The following MGAT4C variants were observed in gnomAD, a reference collection of about 807,000 sequenced individuals.
MGAT4C encodes the protein MGAT4 family member C.
Under a neutral mutation model 40.1 loss-of-function variants are expected in MGAT4C, and 19 were observed. That is an observed-to-expected ratio of 0.47 (90% CI 0.33 to 0.70). The LOEUF (loss-of-function observed/expected upper bound fraction) is 0.70, where lower values mean the gene tolerates loss of function less well. Among genes scored for constraint, MGAT4C ranks in the 30% least tolerant of loss-of-function variants. MGAT4C has a pLI of 0.02. For synonymous variants in MGAT4C, 181 were observed against 187.1 expected (o/e 0.97, Z 0.27); for missense variants, 491 against 563.2 (o/e 0.87, Z 1.30).
rs1952943275 is a variant in MGAT4C, at chr12:86,832,225, C to T, written c.-262+6441G>A. 1.3e-5 allele frequency among the ~76,000 whole-genome samples: 2 copies of T among 151,856 alleles called. 1 individual carries two copies. The highest frequency in any genetic ancestry group is 4.1e-4 in the South Asian group (2 of 4,824). ...CCCTCAAGCATGTCCCGCCACAAAA[C>T]CATTCAAGTCTACTCCCTGTGTATT... On this transcript the variant is annotated intron_variant, in intron 1 of 7. Coordinates refer to the MGAT4C transcript ENST00000548651.
At chr12:86,237,967 T>C (rs1464752271) in intron 1 of MGAT4C, among the ~76,000 whole-genome samples, 2 of 152,002 alleles carry the variant, frequency 1.3e-5, no homozygotes, top group African/African-American at 2.4e-5. Context: ...TCATTTGAAA[T>C]ACATGGCATT....
chr12:86,799,478 T>C (rs1390535929), intron 1 of MGAT4C, among the ~76,000 whole-genome samples: 1 of 151,866 alleles, frequency 6.6e-6, no homozygotes, highest in South Asian at 2.1e-4. Flanking sequence ...ATACTTTCTA[T>C]CTCACAGCTG....
chr12:86,226,183 G>A (rs1241948768), intron 1 of MGAT4C, among the ~76,000 whole-genome samples: 1 of 151,894 alleles, frequency 6.6e-6, no homozygotes, highest in African/African-American at 2.4e-5. Flanking sequence ...AATATAATAA[G>A]TGATAGGACA....
chr12:86,310,131 G>A (rs1036205557), intron 4 of MGAT4C, among the ~76,000 whole-genome samples: 11 of 151,552 alleles, frequency 7.3e-5, no homozygotes, highest in Admixed American at 2.0e-4. Flanking sequence ...GAGTCAAAGT[G>A]TTAAGCTAGG....
chr12:86,725,236 A>AT (rs1471118376), intron 2 of MGAT4C, among the ~76,000 whole-genome samples: 4 of 152,054 alleles, frequency 2.6e-5, no homozygotes, highest in East Asian at 1.9e-4. Flanking sequence ...CCTTTTCCCT[A>AT]TTTTTTAATG....
At chr12:86,353,922 G>A (rs773854152) in intron 3 of MGAT4C, among the ~76,000 whole-genome samples, 4 of 151,976 alleles carry the variant, frequency 2.6e-5, no homozygotes, top group South Asian at 2.1e-4. Context: ...CAAGGCCTCC[G>A]GTATTTAGAG....
At chr12:86,012,848 G>A (rs1279290084) in intron 2 of MGAT4C, among the ~76,000 whole-genome samples, 1 of 151,068 alleles carries the variant, frequency 6.6e-6, no homozygotes, top group Non-Finnish European at 1.5e-5. Flanking sequence ...GGTGGGCCTG[G>A]TGCAGTGGCT....
chr12:86,223,397 A>C (rs1950956004), intron 1 of MGAT4C, among the ~76,000 whole-genome samples: 1 of 152,146 alleles, frequency 6.6e-6, no homozygotes, highest in Non-Finnish European at 1.5e-5. Context: ...AGGACAAAAA[A>C]GGGTAGGGGA....
chr12:86,522,051 G>A (rs1281170526), intron 2 of MGAT4C, among the ~76,000 whole-genome samples: 1 of 152,058 alleles, frequency 6.6e-6, no homozygotes, highest in East Asian at 1.9e-4. Context: ...TCTGCAAACC[G>A]GGATAGTTTC....
chr12:86,325,905 T>C (rs1044766828), intron 4 of MGAT4C, among the ~76,000 whole-genome samples: 1 of 151,880 alleles, frequency 6.6e-6, no homozygotes, highest in East Asian at 1.9e-4. Context: ...TAATAATGCT[T>C]GACACAGGGT....
chr12:86,325,386 A>G (rs530473484), intron 4 of MGAT4C, among the ~76,000 whole-genome samples: 1 of 152,070 alleles, frequency 6.6e-6, no homozygotes, highest in Admixed American at 6.6e-5. Context: ...ATGTAGAGTG[A>G]AAAACAAAAC....
chr12:86,602,677 C>CTGAT (rs1348738678), intron 2 of MGAT4C, among the ~76,000 whole-genome samples: 1 of 152,152 alleles, frequency 6.6e-6, no homozygotes, highest in Admixed American at 6.5e-5. Flanking sequence ...TTCTGAACCT[C>CTGAT]TGATTCGAGG....
intron 1 of MGAT4C, among the ~76,000 whole-genome samples, chr12:86,774,291 C>CTTTA (rs1565981279): frequency 3.5e-5 from 1 of 28,596 alleles, no homozygotes; most frequent in African/African-American, 9.0e-5. Flanking sequence ...CTCTTTCTTT[C>CTTTA]TTTCTTTCTT....
intron 4 of MGAT4C, among the ~76,000 whole-genome samples, chr12:86,332,617 A>G (rs1337670691): frequency 6.6e-6 from 1 of 151,782 alleles, no homozygotes; most frequent in African/African-American, 2.4e-5. Context: ...CCATATCGTA[A>G]TTGGGAAAAA....
At chr12:86,040,607 T>C (rs567175750) in intron 2 of MGAT4C, among the ~76,000 whole-genome samples, 51 of 152,172 alleles carry the variant, frequency 3.4e-4, no homozygotes, top group African/African-American at 1.1e-3. Flanking sequence ...GTGTCCCAGG[T>C]AGAGTTCAGT....
rs1375050851 is a variant in MGAT4C, at chr12:85,959,107, A to G, written c.*20182T>C. 1 of 150,478 alleles carries G rather than the reference A, an allele frequency of 6.6e-6. No homozygotes were observed. The highest frequency in any genetic ancestry group is 1.5e-5 in the Non-Finnish European group (1 of 67,198). 9.3% of individuals were successfully genotyped at this position (150,478 alleles called of 1,614,324 possible). On this transcript the variant is annotated 3_prime_UTR_variant, in exon 5 of 5. Coordinates refer to ENST00000611864, the MANE Select transcript of MGAT4C (RefSeq NM_001351288.2). ...CAATACATGTAGACTCAGCATCCAA[A>G]CTTTATTTTACCTTCAAGTTCTACC...
chr12:86,265,921 C>A, intron 4 of MGAT4C, among the ~76,000 whole-genome samples: 1 of 152,254 alleles, frequency 6.6e-6, no homozygotes, highest in African/African-American at 2.4e-5. Flanking sequence ...AGATTACCTT[C>A]TTGATTTGGT....
rs796780942 is a variant in MGAT4C, at chr12:86,315,032, T to C, written c.-57+19033A>G. Among the ~76,000 whole-genome samples, 64 of 149,048 alleles carry C rather than the reference T, an allele frequency of 4.3e-4. 1 individual carries two copies. Among genetic ancestry groups the C allele is most frequent in the African/African-American group, 1.3e-3 (54 of 40,570 alleles). On this transcript the variant is annotated intron_variant, in intron 4 of 7. Coordinates refer to the MGAT4C transcript ENST00000548651. Reference sequence around the variant, plus strand: ...ATATAGAACTGAAAAAAAACAAGCCTGAATAGCCAAGAAAACCTTAAAAAA... The same window carrying C: ...ATATAGAACTGAAAAAAAACAAGCCCGAATAGCCAAGAAAACCTTAAAAAA...
At chr12:86,547,001 T>A (rs548766000) in intron 2 of MGAT4C, among the ~76,000 whole-genome samples, 1 of 152,072 alleles carries the variant, frequency 6.6e-6, no homozygotes, top group South Asian at 2.1e-4. Flanking sequence ...TTATTTATTA[T>A]TATGGCAACA....
Sources: allele counts gnomAD v4.1 joint callset (sites outside exome capture counted in the v4.1 genomes callset), GRCh38; gene constraint gnomAD v4.1.1; transcripts MANE v1.5; gene names NCBI Gene and HGNC (gene_info 2026-07-23, HGNC 2026-07-21).